The following CYP2A7 variants were observed in gnomAD, a reference collection of about 807,000 sequenced individuals.
CYP2A7 encodes cytochrome P450 2A7.
CYP2A7 carries 36 observed loss-of-function variants against 42.0 expected under a neutral mutation model. The ratio of observed to expected loss-of-function variants is 0.86; its 90% CI spans 0.66 to 1.13. The LOEUF (loss-of-function observed/expected upper bound fraction) is 1.13. Ranked by LOEUF, CYP2A7 falls within the 50% of genes most tolerant of loss-of-function variation. The pLI is 0.00. For synonymous variants in CYP2A7, 260 were observed against 249.5 expected (o/e 1.04, Z -0.40); for missense variants, 661 against 634.1 (o/e 1.04, Z -0.46).
rs1568524787 is a variant in CYP2A7, at chr19:40,876,643, C to G, written c.1187G>C (p.Gly396Ala). The G allele has an allele frequency of 6.2e-7, 1 of 1,612,574 alleles. No individual in the cohort carries two copies. ...PKGTEVFPMLGSVLRDPSFFS... is the reference protein window; with the variant it reads ...PKGTEVFPMLASVLRDPSFFS... The stretch of plus-strand genomic sequence containing the variant: ...GAAGCTGGGGTCTCTCAGCACGGAG[C>G]CCAGCATAGGGAACACTTCGGTGCC... Residue 396 changes from glycine (G) to alanine (A), a missense_variant, in exon 8 of 9, where the codon GGC (glycine) becomes GCC (alanine). By Grantham distance (60) the Gly-to-Ala change is moderately conservative (BLOSUM62 0). This residue lies in a region of CYP2A7 where 614 missense variants were observed against 552.4 expected (regional missense o/e 1.11). Coordinates refer to ENST00000301146, the MANE Select transcript of CYP2A7 (RefSeq NM_000764.3).
At chr19:40,881,814 C>T (rs548435565) in intron 1 of CYP2A7, 63 bp from the exon 2 acceptor site, 194 of 1,593,596 alleles carry the variant, frequency 1.2e-4, no homozygotes, top group Middle Eastern at 3.6e-4. Flanking sequence ...GGCCCAGCAC[C>T]GAGATGTCAA....
rs763031354 is a variant in CYP2A7, at chr19:40,881,705, C to T, written c.227G>A (p.Arg76Gln). The change falls in exon 2 of 9, where the codon CGG (arginine) becomes CAG (glutamine). Residue 76 changes from arginine (R) to glutamine (Q), a missense_variant. By Grantham distance (43) the Arg-to-Gln change is conservative. Transcript: ENST00000301146. ...GPVFTIHLGP[R>Q]RVVVLCGHDA... is the part of the protein sequence containing the mutation. ...ATGTCCACACAGCACCACGACCCGC[C>T]GGGGCCCCAAGTGAATGGTGAACAC... The T allele has an allele frequency of 7.3e-5, 117 of 1,611,956 alleles. 1 individual carries two copies. Among genetic ancestry groups the T allele is most frequent in the South Asian group, 4.0e-4 (36 of 90,850 alleles).
At chr19:40,876,701 G>A (rs749028426) in intron 7 of CYP2A7, 33 bp from the exon 8 acceptor site, 1 of 1,582,736 alleles carries the variant, frequency 6.3e-7, no homozygotes, top group Non-Finnish European at 8.6e-7. Flanking sequence ...GTGTGATGAG[G>A]AGGGTCGGGG....
At position 40,878,924 on chromosome 19, in the gene CYP2A7, A is replaced by T. The variant is rs779884786; in HGVS notation, c.667T>A (p.Phe223Ile). 9 of 1,608,936 alleles carry T rather than the reference A, an allele frequency of 5.6e-6. 1 individual carries two copies. In the South Asian group the frequency reaches 9.9e-5, roughly 18 times the overall value. Residue 223 changes from phenylalanine (F) to isoleucine (I), a missense_variant, in exon 5 of 9, where the codon TTC (phenylalanine) becomes ATC (isoleucine). By Grantham distance (21) the Phe-to-Ile change is conservative. This residue lies in a region of CYP2A7 where 614 missense variants were observed against 552.4 expected (regional missense o/e 1.11). Coordinates refer to ENST00000301146, the MANE Select transcript of CYP2A7 (RefSeq NM_000764.3). ...GGCAGGTGTTTCATCACCGAAGAGA[A>T]CATCTCATAGAGCTGGGGTTGCAGA... ...STSTGQLYEMFSSVMKHLPGP... is the reference protein window; with the variant it reads ...STSTGQLYEMISSVMKHLPGP...
chr19:40,880,682 G>A (rs1967645573), intron 2 of CYP2A7, 54 bp from the exon 3 acceptor site: 1 of 1,566,094 alleles, frequency 6.4e-7, no homozygotes, highest in African/African-American at 1.4e-5. Flanking sequence ...GGTGGCAGGA[G>A]CGGACCAGTT....
At chr19:40,880,799 GA>G (rs1967653327) in intron 2 of CYP2A7, among the ~76,000 whole-genome samples, 171 bp from the exon 3 acceptor site, 49 of 1,554 alleles carry the variant, frequency 0.032, 1 homozygote, top group East Asian at 0.1. Context: ...AAACACGAGG[GA>G]GAGAGAGAGA....
At position 40,881,806 on chromosome 19, in the gene CYP2A7, C is replaced by T. The variant is rs528349957; in HGVS notation, c.181-55G>A. On this transcript the variant is annotated intron_variant, in intron 1 of 8. Coordinates refer to ENST00000301146, the MANE Select transcript of CYP2A7 (RefSeq NM_000764.3). ...GGAGCAGCCCCCACTCTGAATGGGG[C>T]CCAGCACCGAGATGTCAAGTACTGG... The T allele has an allele frequency of 6.0e-5, 96 of 1,596,462 alleles. 2 individuals carry two copies. The South Asian group carries it at 1.0e-3, about 17-fold the overall frequency.
At position 40,877,364 on chromosome 19, in the gene CYP2A7, C is replaced by T. The variant is rs777713389; in HGVS notation, c.987G>A (p.Glu329=). The T allele has an allele frequency of 6.2e-7, 1 of 1,611,918 alleles. No individual in the cohort carries two copies. Among genetic ancestry groups the T allele is most frequent in the Non-Finnish European group, 8.5e-7 (1 of 1,178,492 alleles). ...KHPEVEAKVH[E]EIDRVIGKNR... is the part of the protein sequence containing the mutation. ...TCTTGCCGATCACTCTGTCAATCTC[C>T]TCATGGACCTTGGCTGGGGGAGGAG... The change falls in exon 7 of 9, where the codon GAG becomes GAA. Residue 329 remains glutamate (E), a synonymous_variant. Coordinates refer to ENST00000301146, the MANE Select transcript of CYP2A7 (RefSeq NM_000764.3).
intron 3 of CYP2A7, 111 bp from the exon 4 acceptor site, chr19:40,880,355 C>T: frequency 1.3e-6 from 2 of 1,545,830 alleles, no homozygotes; most frequent in Admixed American, 1.9e-5. Context: ...CAGCGCCAGA[C>T]TCCAGGGCTG....
chr19:40,881,904 C>T lies in CYP2A7; in HGVS notation c.180+127G>A, dbSNP rs190326034. 1.6e-3 allele frequency: 2,337 copies of T among 1,501,494 alleles called. 6 individuals carry two copies. The highest frequency in any genetic ancestry group is 1.9e-3 in the Non-Finnish European group (2,127 of 1,121,418). 93.0% of individuals were successfully genotyped at this position (1,501,494 alleles called of 1,614,324 possible). On this transcript the variant is annotated intron_variant, in intron 1 of 8. Coordinates refer to ENST00000301146, the MANE Select transcript of CYP2A7 (RefSeq NM_000764.3). ...GATCCTGTCTTTCCTGGCTAGGACCCGGATGCTGAAACTCCAAAACTCCCT... is the reference window on the plus strand; with the variant it reads ...GATCCTGTCTTTCCTGGCTAGGACCTGGATGCTGAAACTCCAAAACTCCCT...
At chr19:40,881,401 C>G (rs10424691) in intron 2 of CYP2A7, among the ~76,000 whole-genome samples, 188 bp downstream of exon 2, 75,359 of 150,134 alleles carry the variant, frequency 0.5, 19,480 homozygotes, top group Admixed American at 0.62. Context: ...GGAGGAATCA[C>G]GACAGGGACG....
chr19:40,876,717 G>A (rs1184548749), intron 7 of CYP2A7, 49 bp from the exon 8 acceptor site: 6 of 1,577,520 alleles, frequency 3.8e-6, no homozygotes, highest in South Asian at 2.4e-5. Flanking sequence ...CGGGGGATTG[G>A]TGAAAGTACA....
Position 40,881,480 on chromosome 19 carries a change from G to C in CYP2A7, c.343+109C>G, listed in dbSNP as rs944762157. On this transcript the variant is annotated intron_variant, in intron 2 of 8. Coordinates refer to ENST00000301146, the MANE Select transcript of CYP2A7 (RefSeq NM_000764.3). The stretch of plus-strand genomic sequence containing the variant: ...GGAGATGGGGAGATAAGACCAGACC[G>C]GGGGTTCTGCCATAGCCTCCAGTGG... 1.3e-4 allele frequency: 206 copies of C among 1,556,662 alleles called. 2 individuals are homozygous for C. The highest frequency in any genetic ancestry group is 4.8e-4 in the Middle Eastern group (2 of 4,200).
intron 3 of CYP2A7, 24 bp from the exon 4 acceptor site, chr19:40,880,268 G>C (rs1353526421): frequency 6.2e-7 from 1 of 1,611,930 alleles, no homozygotes; most frequent in Admixed American, 1.7e-5. Context: ...GGGAGAAGGG[G>C]GTTGGGGAGA....
chr19:40,878,388 T>G (rs1396139650), intron 5 of CYP2A7, among the ~76,000 whole-genome samples: 1 of 151,742 alleles, frequency 6.6e-6, no homozygotes, highest in African/African-American at 2.4e-5. Context: ...TTTTAAACAA[T>G]TAATTAATTT....
At position 40,880,794 on chromosome 19, in the gene CYP2A7, CGAGGGAGAGAGA is replaced by C. The variant is rs1967651664; in HGVS notation, c.344-178_344-167del. ...AGGTGCAAACTCAGTCAGAGAAACA[CGAGGGAGAGAGA>C]GAGAGAGAGAGAGAGAGAGAGAGAG... On this transcript the variant is annotated intron_variant, in intron 2 of 8. Transcript: ENST00000301146. Among the ~76,000 whole-genome samples, 2 of 21,782 alleles carry C rather than the reference CGAGGGAGAGAGA, an allele frequency of 9.2e-5. 1 individual carries two copies. The highest frequency in any genetic ancestry group is 3.9e-4 in the African/African-American group (2 of 5,072). The allele number at this position is 21,782 out of a possible 152,430, so 14.3% of individuals were successfully genotyped here.
rs1174144049 is a variant in CYP2A7, at chr19:40,880,230, GAT to G, written c.506_507del (p.Asp169AlafsTer23). The G allele has an allele frequency of 6.2e-7, 1 of 1,612,774 alleles. No homozygotes were observed. The highest frequency in any genetic ancestry group is 1.7e-5 in the Admixed American group (1 of 59,884). On this transcript the variant is annotated frameshift_variant, in exon 4 of 9. Coordinates refer to ENST00000301146, the MANE Select transcript of CYP2A7 (RefSeq NM_000764.3). LOFTEE classifies it high-confidence loss of function. ...ACTGTGCGGCTCAGGAAGAAGGTGGGATCGATATTGGCGCCTGCGGGTGTGGA... is the reference window on the plus strand; with the variant it reads ...ACTGTGCGGCTCAGGAAGAAGGTGGGCGATATTGGCGCCTGCGGGTGTGGA... ...AIRSTHGANIDPTFFLSRTVS... is the reference protein window; with the variant it reads ...AIRSTHGANIXPTFFLSRTVS...
Position 40,876,422 on chromosome 19 carries a change from T to A in CYP2A7, c.1303+105A>T, listed in dbSNP as rs1356363231. Reference sequence around the variant, plus strand: ...CTCAAGGGTAGATTCTAACAGGAACTTCCAAGCTGGAGAAATACCAGGCTA... The same window carrying A: ...CTCAAGGGTAGATTCTAACAGGAACATCCAAGCTGGAGAAATACCAGGCTA... On this transcript the variant is annotated intron_variant, in intron 8 of 8. Coordinates refer to ENST00000301146, the MANE Select transcript of CYP2A7 (RefSeq NM_000764.3). 46 of 1,588,052 alleles carry A rather than the reference T, an allele frequency of 2.9e-5. 1 individual carries two copies. The highest frequency in any genetic ancestry group is 3.9e-5 in the Non-Finnish European group (45 of 1,158,578).
chr19:40,879,981 C>G, intron 4 of CYP2A7, 103 bp downstream of exon 4: 1 of 1,548,194 alleles, frequency 6.5e-7, no homozygotes, highest in South Asian at 1.2e-5. Flanking sequence ...TTTGAGGGGA[C>G]ACTGTCTGGA....
Sources: allele counts gnomAD v4.1 joint callset (sites outside exome capture counted in the v4.1 genomes callset), GRCh38; gene constraint gnomAD v4.1.1; regional missense constraint gnomAD v4.1.1; transcripts MANE v1.5; gene names NCBI Gene and HGNC (gene_info 2026-07-23, HGNC 2026-07-21).